DGKA: variants seen among roughly 807,000 people sequenced by gnomAD.
DGKA encodes 80 kDa diacylglycerol kinase.
DGKA carries 35 observed loss-of-function variants against 105.0 expected under a neutral mutation model. The ratio of observed to expected loss-of-function variants is 0.33; its 90% CI spans 0.25 to 0.44. DGKA has a LOEUF of 0.44. DGKA is among the 20% of genes least tolerant of loss of function. The pLI, the probability that DGKA is intolerant of heterozygous loss-of-function variation, is 1.00. For synonymous variants in DGKA, 296 were observed against 332.0 expected, an observed-to-expected ratio of 0.89 and a Z score of 1.18; for missense variants, 665 against 915.0, an observed-to-expected ratio of 0.73 and a Z score of 3.53.
At chr12:55,945,097 A>G (rs1182779296) in intron 17 of DGKA, among the ~76,000 whole-genome samples, 1 of 152,090 alleles carries the variant, frequency 6.6e-6, no homozygotes, top group Non-Finnish European at 1.5e-5. Context: ...ACCGTGCCCA[A>G]CCTTGGGGTG....
chr12:55,928,564 GC>G (rs2136272752), upstream of DGKA, among the ~76,000 whole-genome samples: 1 of 149,354 alleles, frequency 6.7e-6, no homozygotes, highest in East Asian at 2.0e-4. Context: ...TGTAATCTCA[GC>G]TACTCGGGAG....
rs77995442 is a variant in DGKA at position 55,932,708 on chromosome 12, C to G, written c.-82+1364C>G. ...GACACCCTCTACACACACACACACACGCACACACACACACACACACACACA... is the reference window on the plus strand; with the variant it reads ...GACACCCTCTACACACACACACACAGGCACACACACACACACACACACACA... On this transcript the variant is annotated intron_variant, in intron 1 of 23. Transcript: ENST00000331886. The surrounding 1 kb of genome is among the most constrained non-coding windows in gnomAD (Gnocchi z 4.3). 1 of 472,706 alleles carries G rather than the reference C, an allele frequency of 2.1e-6. No individual in the cohort carries two copies. Among genetic ancestry groups the G allele is most frequent in the Non-Finnish European group, 3.7e-6 (1 of 268,062 alleles). The allele number at this position is 472,706 out of a possible 1,614,324, so 29.3% of individuals were successfully genotyped here. A position where few individuals can be genotyped will look rare whatever the true frequency, so the allele number is the denominator to read the frequency against.
chr12:55,953,527 A>T, intron 23 of DGKA, 117 bp downstream of exon 23: 2 of 1,357,880 alleles, frequency 1.5e-6, no homozygotes, highest in Non-Finnish European at 2.1e-6. Context: ...CACATCATTC[A>T]TCCTAAACCC....
At chr12:55,948,750 G>A (rs188143884) in intron 17 of DGKA, among the ~76,000 whole-genome samples, 73 of 150,788 alleles carry the variant, frequency 4.8e-4, no homozygotes, top group African/African-American at 1.8e-3. Context: ...TGGGCTGGGC[G>A]CAGTGGCTCA....
intron 5 of DGKA, 107 bp downstream of exon 5, chr12:55,938,159 T>A: frequency 9.7e-7 from 1 of 1,032,600 alleles, no homozygotes; most frequent in Non-Finnish European, 1.5e-6. Flanking sequence ...CTGACAGGTC[T>A]AGACAAAGGT....
chr12:55,953,832 C>A lies in DGKA; in HGVS notation c.*64C>A. ...CCTCCCTGTCCCTGGACTCTACTCC[C>A]GAGGCTCTGTACATTGCTGCCACAT... On this transcript the variant is annotated 3_prime_UTR_variant, in exon 24 of 24. Coordinates refer to ENST00000331886, the MANE Select transcript of DGKA (RefSeq NM_001345.5). 2 of 1,449,978 alleles carry A rather than the reference C, an allele frequency of 1.4e-6. No individual in the cohort carries two copies. The highest frequency in any genetic ancestry group is 9.7e-7 in the Non-Finnish European group (1 of 1,034,136). The allele number at this position is 1,449,978 out of a possible 1,614,324, so 89.8% of individuals were successfully genotyped here. A position where few individuals can be genotyped will look rare whatever the true frequency, so the allele number is the denominator to read the frequency against.
rs1885706205 is a variant in DGKA, at chr12:55,940,559, G to A, written c.919-65G>A. On this transcript the variant is annotated intron_variant, in intron 11 of 23. Coordinates refer to ENST00000331886, the MANE Select transcript of DGKA (RefSeq NM_001345.5). This position sits in a 1 kb window ranked among gnomAD's most constrained non-coding sequence, Gnocchi z 4.3. ...GCTCCCAAGGGCTCTTTCCAGCCCA[G>A]ACTGCCAGGTTGAGAGGAGACAGGG... The A allele has an allele frequency of 6.4e-7, 1 of 1,560,220 alleles. No homozygotes were observed. Among genetic ancestry groups the A allele is most frequent in the Admixed American group, 1.9e-5 (1 of 53,644 alleles).
At chr12:55,927,804 C>G, upstream of DGKA, 1 of 1,533,056 alleles carries the variant, frequency 6.5e-7, no homozygotes, top group Non-Finnish European at 8.7e-7. Flanking sequence ...CGGCCCTGGC[C>G]TGGCTCTGCC....
At position 55,931,237 on chromosome 12, in the gene DGKA, C is replaced by T. The variant is rs1156476662; in HGVS notation, c.-189C>T. ...ACCTTCACCACCATCCATGCGACCC[C>T]AAGAGCCTTAATGACTCTAGAAGAG... On this transcript the variant is annotated 5_prime_UTR_variant, in exon 1 of 24. The change creates a premature stop within an existing upstream ORF in the 5' untranslated region. Coordinates refer to ENST00000331886, the MANE Select transcript of DGKA (RefSeq NM_001345.5). 1 of 152,214 alleles carries T rather than the reference C, an allele frequency of 6.6e-6. No individual in the cohort carries two copies. The highest frequency in any genetic ancestry group is 1.5e-5 in the Non-Finnish European group (1 of 68,112). The allele number at this position is 152,214 out of a possible 1,614,324, so 9.4% of individuals were successfully genotyped here.
chr12:55,937,929 A>G (rs1437071546), intron 4 of DGKA, 49 bp from the exon 5 acceptor site: 9 of 1,522,882 alleles, frequency 5.9e-6, no homozygotes, highest in Non-Finnish European at 8.2e-6. Context: ...ATAAAACATG[A>G]GCCAAAGTGG....
intron 1 of DGKA, among the ~76,000 whole-genome samples, chr12:55,934,554 C>T (rs971605133): frequency 6.6e-6 from 1 of 152,154 alleles, no homozygotes; most frequent in Admixed American, 6.5e-5. Flanking sequence ...CTTGCATCAT[C>T]AGAAAGGAAA....
intron 17 of DGKA, chr12:55,942,585 G>C (rs1247509790): frequency 3.0e-6 from 1 of 330,514 alleles, no homozygotes; most frequent in East Asian, 6.7e-5. Context: ...GGTTGTATAA[G>C]AGCTAAGCCA....
intron 17 of DGKA, among the ~76,000 whole-genome samples, chr12:55,950,932 G>T (rs926860116): frequency 1.3e-5 from 2 of 152,082 alleles, no homozygotes; most frequent in African/African-American, 2.4e-5. Context: ...TCCATTCAAA[G>T]ATTATAAAAA....
At chr12:55,935,882 G>C in intron 1 of DGKA, 1 of 986,328 alleles carries the variant, frequency 1.0e-6, no homozygotes, top group Non-Finnish European at 1.2e-6. Flanking sequence ...TCGGGGAGTG[G>C]GTGGCTGAGC....
At chr12:55,938,388 C>A in intron 5 of DGKA, 123 bp from the exon 6 acceptor site, 1 of 1,258,076 alleles carries the variant, frequency 7.9e-7, no homozygotes, top group Non-Finnish European at 1.1e-6. Flanking sequence ...TCAGTCCCAT[C>A]CCAGGCTCTA....
At chr12:55,929,805 G>A (rs1288410258), upstream of DGKA, 1 of 152,194 alleles carries the variant, frequency 6.6e-6, no homozygotes, top group African/African-American at 2.4e-5. Context: ...AGATCCTAAA[G>A]AAGACACAAA....
rs1212298134 is a variant in DGKA, at chr12:55,953,807, C to A, written c.*39C>A. 6.4e-7 allele frequency: 1 copy of A among 1,565,380 alleles called. No homozygotes were observed. Among genetic ancestry groups the A allele is most frequent in the South Asian group, 1.1e-5 (1 of 90,000 alleles). On this transcript the variant is annotated 3_prime_UTR_variant, in exon 24 of 24. Coordinates refer to ENST00000331886, the MANE Select transcript of DGKA (RefSeq NM_001345.5). ...GGCCTCCAAGCCAGCCTTGAACCCA[C>A]CTCCCTGTCCCTGGACTCTACTCCC...
chr12:55,930,779 A>ACAG (rs1489446931), upstream of DGKA: 2 of 151,312 alleles, frequency 1.3e-5, no homozygotes, highest in East Asian at 3.9e-4. Context: ...TTTGGATACA[A>ACAG]CAATACTCCC....
intron 17 of DGKA, among the ~76,000 whole-genome samples, chr12:55,946,007 C>T (rs954947577): frequency 1.3e-5 from 2 of 152,078 alleles, no homozygotes; most frequent in Non-Finnish European, 2.9e-5. Flanking sequence ...ATGCTGGTCT[C>T]GAACTCCTGA....
Sources: allele counts gnomAD v4.1 joint callset (sites outside exome capture counted in the v4.1 genomes callset), GRCh38; gene constraint gnomAD v4.1.1; non-coding constraint Gnocchi (gnomAD v3.1); transcripts MANE v1.5; gene names NCBI Gene and HGNC (gene_info 2026-07-23, HGNC 2026-07-21).